The following ABI2 variants were observed in gnomAD, a reference collection of about 807,000 sequenced individuals.
The protein encoded by ABI2 is abelson interactor 2.
Under a neutral mutation model 59.2 loss-of-function variants are expected in ABI2, and 25 were observed. The ratio of observed to expected loss-of-function variants is 0.42; its 90% CI spans 0.31 to 0.59. ABI2 has a LOEUF of 0.59. Ranked by LOEUF, ABI2 falls within the 20% of genes least tolerant of loss-of-function variation. The pLI is 0.14. For missense variants in ABI2, 545 were observed against 681.8 expected (o/e 0.80, Z 2.23); for synonymous variants, 213 against 235.5 (o/e 0.90, Z 0.87).
intron 11 of ABI2, among the ~76,000 whole-genome samples, chr2:203,423,481 A>G (rs1370722987): frequency 6.6e-6 from 1 of 152,106 alleles, no homozygotes; most frequent in Non-Finnish European, 1.5e-5. Context: ...GCTAGAGTGC[A>G]GTGGTGCAAT....
At chr2:203,329,601 C>G (rs1226825171) in intron 1 of ABI2, among the ~76,000 whole-genome samples, 5 of 151,108 alleles carry the variant, frequency 3.3e-5, no homozygotes, top group Non-Finnish European at 1.5e-5. Context: ...TGGGTTCTGC[C>G]TCCATTTTTT....
chr2:203,392,275 TCACCACCACCAC>T (rs75654136), intron 5 of ABI2, among the ~76,000 whole-genome samples: 18 of 127,264 alleles, frequency 1.4e-4, no homozygotes, highest in African/African-American at 1.8e-4. Context: ...ACCACCACCA[TCACCACCACCAC>T]CACCACCACC....
rs2079206880 is a variant in ABI2 at position 203,340,505 on chromosome 2, TACATGTGTGTACCACCAC to T, written c.117+11880_117+11897del. 2.6e-5 allele frequency among the ~76,000 whole-genome samples: 4 copies of T among 152,078 alleles called. No homozygotes were observed. The South Asian group carries it at 8.3e-4, about 32-fold the overall frequency. ...CCTTAGCCTTCCGAATAGCTGGGAC[TACATGTGTGTACCACCAC>T]ACATGGCTAATTTTTGTAGTGACGG... On this transcript the variant is annotated intron_variant, in intron 1 of 11. Transcript: ENST00000261018.
intron 2 of ABI2, among the ~76,000 whole-genome samples, chr2:203,371,394 A>G (rs76197763): frequency 0.028 from 4,193 of 152,344 alleles, 84 homozygotes; most frequent in Non-Finnish European, 0.04. Flanking sequence ...CAAAAACAAG[A>G]TATTAATTGA....
intron 6 of ABI2, among the ~76,000 whole-genome samples, chr2:203,395,353 A>G (rs2096928335): frequency 6.6e-6 from 1 of 151,024 alleles, no homozygotes; most frequent in Non-Finnish European, 1.5e-5. Flanking sequence ...TATCACTTGT[A>G]TTTATGGATA....
chr2:203,394,545 G>A, intron 5 of ABI2, 155 bp from the exon 6 acceptor site: 1 of 663,066 alleles, frequency 1.5e-6, no homozygotes, highest in Non-Finnish European at 2.5e-6. Flanking sequence ...GTGGAGAAGT[G>A]ATACATTAGT....
intron 11 of ABI2, among the ~76,000 whole-genome samples, chr2:203,425,715 C>A (rs1461150476): frequency 2.6e-5 from 4 of 152,120 alleles, no homozygotes; most frequent in Non-Finnish European, 4.4e-5. Flanking sequence ...CTCTTCCTAG[C>A]AAGGATCTTC....
At chr2:203,413,984 G>C (rs532417519) in intron 10 of ABI2, among the ~76,000 whole-genome samples, 1 of 152,144 alleles carries the variant, frequency 6.6e-6, no homozygotes, top group African/African-American at 2.4e-5. Flanking sequence ...TTTGGATAGA[G>C]TCCAAACTGC....
At chr2:203,337,332 TTG>T (rs2076904918) in intron 1 of ABI2, among the ~76,000 whole-genome samples, 1 of 152,208 alleles carries the variant, frequency 6.6e-6, no homozygotes, top group African/African-American at 2.4e-5. Flanking sequence ...CAAAAATCTG[TTG>T]TGTTTCTACA....
At chr2:203,372,118 G>T (rs2095267063) in intron 2 of ABI2, among the ~76,000 whole-genome samples, 1 of 151,864 alleles carries the variant, frequency 6.6e-6, no homozygotes, top group South Asian at 2.1e-4. Context: ...AGATTAGGGA[G>T]TGGTGATGAC....
At chr2:203,337,463 A>G (rs898708675) in intron 1 of ABI2, among the ~76,000 whole-genome samples, 1 of 152,248 alleles carries the variant, frequency 6.6e-6, no homozygotes, top group Non-Finnish European at 1.5e-5. Context: ...ACTAAAAACT[A>G]TAAGACATTT....
At chr2:203,368,983 GATT>G (rs1559239465) in intron 2 of ABI2, among the ~76,000 whole-genome samples, 1 of 14,280 alleles carries the variant, frequency 7.0e-5, no homozygotes, top group Non-Finnish European at 2.4e-4. Context: ...ATGCTTGGCT[GATT>G]TTTTTTTTTT....
rs2095251693 is a variant in ABI2 at position 203,371,963 on chromosome 2, G to A, written c.285+4919G>A. ...TTTATTTTTAATTGATCATTCTTGG[G>A]TGTTTCTCGCAGAGGGGGAGTTGGC... On this transcript the variant is annotated intron_variant, in intron 2 of 11. Coordinates refer to ENST00000261018, the MANE Select transcript of ABI2 (RefSeq NM_001375670.1). 2.0e-5 allele frequency among the ~76,000 whole-genome samples: 3 copies of A among 150,948 alleles called. No homozygotes were observed. In the South Asian group the frequency reaches 6.3e-4, roughly 32 times the overall value.
At chr2:203,425,043 T>A (rs1280016047) in intron 11 of ABI2, among the ~76,000 whole-genome samples, 1 of 148,774 alleles carries the variant, frequency 6.7e-6, no homozygotes, top group African/African-American at 2.5e-5. Context: ...TTTTTTTTTT[T>A]GTATTTTTTT....
At chr2:203,331,849 G>A (rs1205682907) in intron 1 of ABI2, among the ~76,000 whole-genome samples, 3 of 136,562 alleles carry the variant, frequency 2.2e-5, no homozygotes, top group South Asian at 2.3e-4. Context: ...TCACTCTGTC[G>A]CCCAGGCTGG....
chr2:203,418,439 G>A (rs2098013445), intron 11 of ABI2, among the ~76,000 whole-genome samples: 1 of 152,214 alleles, frequency 6.6e-6, no homozygotes, highest in South Asian at 2.1e-4. Flanking sequence ...CTGCTTTCAG[G>A]CTCACTCGTG....
At chr2:203,338,934 G>A (rs111398594) in intron 1 of ABI2, among the ~76,000 whole-genome samples, 638 of 5,042 alleles carry the variant, frequency 0.13, 85 homozygotes, top group Non-Finnish European at 0.21. Flanking sequence ...GTGTGTATAT[G>A]TATATATATA....
chr2:203,411,264 A>C (rs765588858), intron 9 of ABI2, 21 bp from the exon 10 acceptor site: 1 of 1,590,608 alleles, frequency 6.3e-7, no homozygotes, highest in East Asian at 2.2e-5. Flanking sequence ...CTTATCCTCC[A>C]CACCTTTTTT....
intron 1 of ABI2, among the ~76,000 whole-genome samples, chr2:203,363,143 C>CT (rs1338613483): frequency 2.2e-5 from 1 of 44,972 alleles, no homozygotes; most frequent in Non-Finnish European, 4.2e-5. Context: ...ATTTTAAATA[C>CT]TTTTACATTA....
Sources: gnomAD v4.1 joint callset for allele counts (sites outside exome capture counted in the v4.1 genomes callset) on GRCh38, gnomAD v4.1.1 for gene constraint, MANE v1.5 for transcripts, NCBI Gene and HGNC (gene_info 2026-07-23, HGNC 2026-07-21) for gene names.